Variants in STK3 observed in about 807,000 individuals in gnomAD.
The protein encoded by STK3 is serine/threonine kinase 3.
STK3 carries 41 observed loss-of-function variants against 58.0 expected under a neutral mutation model. The observed-to-expected ratio is 0.71, with a 90% CI of 0.55 to 0.92. The LOEUF (loss-of-function observed/expected upper bound fraction) is 0.92, where lower values mean the gene tolerates loss of function less well. STK3 is among the 40% of genes least tolerant of loss of function. The pLI is 0.00. For synonymous variants in STK3, 170 were observed against 191.0 expected, an observed-to-expected ratio of 0.89 and a Z score of 0.91; for missense variants, 479 against 602.7, an observed-to-expected ratio of 0.79 and a Z score of 2.15.
chr8:98,572,510 A>C (rs1411841737), intron 8 of STK3, among the ~76,000 whole-genome samples: 1 of 152,224 alleles, frequency 6.6e-6, no homozygotes, highest in African/African-American at 2.4e-5. Flanking sequence ...CAATTCACAA[A>C]AGAATCCCAA....
intron 8 of STK3, among the ~76,000 whole-genome samples, chr8:98,555,698 A>C (rs1199243588): frequency 6.6e-6 from 1 of 152,192 alleles, no homozygotes; most frequent in Non-Finnish European, 1.5e-5. Flanking sequence ...CAATTATACA[A>C]AAAGTTGCAT....
intron 1 of STK3, among the ~76,000 whole-genome samples, chr8:98,940,818 A>G (rs1411145268): frequency 6.6e-6 from 1 of 152,128 alleles, no homozygotes; most frequent in Non-Finnish European, 1.5e-5. Flanking sequence ...GGGTCCGAAA[A>G]ATCCGTCTCA....
intron 1 of STK3, among the ~76,000 whole-genome samples, chr8:98,936,076 A>T (rs528897779): frequency 1.3e-5 from 2 of 151,720 alleles, no homozygotes; most frequent in African/African-American, 4.8e-5. Flanking sequence ...CCACCACACC[A>T]GCTAATTTTG....
intron 6 of STK3, chr8:98,598,891 C>T (rs1178265015): frequency 6.1e-6 from 6 of 985,256 alleles, no homozygotes; most frequent in East Asian, 1.1e-4. Context: ...AGTTTAATAA[C>T]GCAAGAAATC....
chr8:98,687,016 T>A (rs1237832096), intron 6 of STK3, among the ~76,000 whole-genome samples: 1 of 152,168 alleles, frequency 6.6e-6, no homozygotes, highest in Non-Finnish European at 1.5e-5. Flanking sequence ...AAGATAGATA[T>A]AATTCAGAAA....
intron 10 of STK3, among the ~76,000 whole-genome samples, chr8:98,494,165 G>A (rs1293306307): frequency 1.3e-5 from 2 of 152,114 alleles, no homozygotes; most frequent in African/African-American, 4.8e-5. Flanking sequence ...TATAAACGCT[G>A]CTGCCTACTC....
chr8:98,870,196 A>G (rs1354387499), intron 3 of STK3, among the ~76,000 whole-genome samples: 2 of 152,206 alleles, frequency 1.3e-5, no homozygotes, highest in Non-Finnish European at 2.9e-5. Flanking sequence ...ATGGCTGCAT[A>G]GTATTCCATG....
chr8:98,631,764 A>C (rs1431358771), intron 6 of STK3, among the ~76,000 whole-genome samples: 1 of 152,192 alleles, frequency 6.6e-6, no homozygotes, highest in Non-Finnish European at 1.5e-5. Context: ...TCCTGGGTTC[A>C]AGCAATTCTC....
intron 1 of STK3, among the ~76,000 whole-genome samples, chr8:98,790,331 T>G (rs1048300247): frequency 6.6e-6 from 1 of 152,154 alleles, no homozygotes; most frequent in African/African-American, 2.4e-5. Context: ...TCCACCATGA[T>G]CAAGTGGGTT....
At chr8:98,651,701 C>T (rs577349799) in intron 6 of STK3, 47 of 152,212 alleles carry the variant, frequency 3.1e-4, no homozygotes, top group African/African-American at 1.1e-3. Flanking sequence ...AATGCAGAAG[C>T]CTCAGGAGCT....
chr8:98,752,104 A>G (rs914696854), intron 3 of STK3, among the ~76,000 whole-genome samples: 7 of 152,004 alleles, frequency 4.6e-5, no homozygotes, highest in Admixed American at 2.6e-4. Flanking sequence ...CTATTTTGAA[A>G]TTCATATGGA....
rs546309858 is a variant in STK3, at chr8:98,596,630, A to T, written c.685-461T>A. 7.6e-4 allele frequency among the ~76,000 whole-genome samples: 115 copies of T among 152,314 alleles called. 1 individual carries two copies. The highest frequency in any genetic ancestry group is 2.7e-3 in the African/African-American group (114 of 41,578). Reference sequence around the variant, plus strand: ...AATTACTGCTATAATTTGAAATAATACTTGACAGAGCCAAGACTTTTCTCT... The same window carrying T: ...AATTACTGCTATAATTTGAAATAATTCTTGACAGAGCCAAGACTTTTCTCT... On this transcript the variant is annotated intron_variant, in intron 6 of 10. Transcript: ENST00000419617.
chr8:98,885,613 T>C (rs1837959830), intron 1 of STK3, among the ~76,000 whole-genome samples: 1 of 152,188 alleles, frequency 6.6e-6, no homozygotes, highest in Admixed American at 6.5e-5. Flanking sequence ...TAATTTTTTG[T>C]ATTTTTAGTG....
chr8:98,458,013 T>C (rs1037286581), intron 10 of STK3, among the ~76,000 whole-genome samples: 4 of 152,174 alleles, frequency 2.6e-5, no homozygotes, highest in Admixed American at 2.6e-4. Context: ...TATCTAACAT[T>C]ATTAAGGAAT....
chr8:98,598,848 T>A, intron 6 of STK3: 1 of 985,460 alleles, frequency 1.0e-6, no homozygotes, highest in South Asian at 4.7e-5. Context: ...AACCTCTGAT[T>A]ATGTTTCTAA....
chr8:98,398,772 G>A (rs941130925), downstream of STK3, among the ~76,000 whole-genome samples: 1 of 152,216 alleles, frequency 6.6e-6, no homozygotes, highest in African/African-American at 2.4e-5. Flanking sequence ...TACATCTTTG[G>A]AGAAGATGGT....
chr8:98,529,288 G>T (rs371052120), intron 9 of STK3, among the ~76,000 whole-genome samples: 7 of 152,112 alleles, frequency 4.6e-5, no homozygotes, highest in South Asian at 2.1e-4. Context: ...AAACAAAAGG[G>T]GGGGGGACGG....
intron 10 of STK3, among the ~76,000 whole-genome samples, chr8:98,509,354 T>G (rs1563682074): frequency 6.6e-6 from 1 of 152,034 alleles, no homozygotes; most frequent in East Asian, 1.9e-4. Flanking sequence ...CTATGTAAAA[T>G]GTACAGTGTA....
At chr8:98,799,953 G>A (rs1833413013) in intron 1 of STK3, among the ~76,000 whole-genome samples, 1 of 152,158 alleles carries the variant, frequency 6.6e-6, no homozygotes, top group Admixed American at 6.5e-5. Flanking sequence ...CCTTCCTAGG[G>A]GAAGAGTGTT....
Sources: gnomAD v4.1 joint callset for allele counts (sites outside exome capture counted in the v4.1 genomes callset) on GRCh38, gnomAD v4.1.1 for gene constraint, MANE v1.5 for transcripts, NCBI Gene and HGNC (gene_info 2026-07-23, HGNC 2026-07-21) for gene names.